Variants in ST18 observed in about 807,000 individuals in gnomAD.
The protein encoded by ST18 is suppression of tumorigenicity 18 protein.
Under a neutral mutation model 110.0 loss-of-function variants are expected in ST18, and 50 were observed. That is an observed-to-expected ratio of 0.45 (90% CI 0.36 to 0.58). ST18 has a LOEUF of 0.58. Among genes scored for constraint, ST18 ranks in the 20% least tolerant of loss-of-function variants. The probability of loss-of-function intolerance (pLI) is 0.00; values close to 1 mark genes in which losing one functional copy is unlikely to be tolerated. For synonymous variants in ST18, 461 were observed against 452.4 expected, an observed-to-expected ratio of 1.02 and a Z score of -0.24; for missense variants, 1,306 against 1,280.1, an observed-to-expected ratio of 1.02 and a Z score of -0.31.
At chr8:52,393,314 C>T (rs548835227) in intron 2 of ST18, among the ~76,000 whole-genome samples, 16 of 152,290 alleles carry the variant, frequency 1.1e-4, no homozygotes, top group South Asian at 2.1e-4. Flanking sequence ...GGCACAGACC[C>T]TTTAGAGTTC....
Position 52,215,879 on chromosome 8 carries a change from C to T in ST18, c.1-1622G>A, listed in dbSNP as rs78469844. 1.6e-4 allele frequency among the ~76,000 whole-genome samples: 24 copies of T among 152,276 alleles called. No individual in the cohort carries two copies. In the East Asian group the frequency reaches 3.5e-3, roughly 22 times the overall value. The stretch of plus-strand genomic sequence containing the variant: ...TGCATACAAAGTGGCTCAACTCTAG[C>T]GAATGCCCCTCCATGTGCTAAATGA... On this transcript the variant is annotated intron_variant, in intron 6 of 25. Transcript: ENST00000689386.
At chr8:52,198,643 T>A (rs2076946332) in intron 8 of ST18, among the ~76,000 whole-genome samples, 1 of 152,228 alleles carries the variant, frequency 6.6e-6, no homozygotes, top group South Asian at 2.1e-4. Context: ...TATATTATTA[T>A]AATTATGTGT....
intron 3 of ST18, among the ~76,000 whole-genome samples, chr8:52,222,755 C>A (rs1275735115): frequency 6.6e-6 from 1 of 152,128 alleles, no homozygotes; most frequent in Non-Finnish European, 1.5e-5. Flanking sequence ...TTTAAAAAAC[C>A]ATTTTTCTTA....
At chr8:52,255,157 A>G (rs1363285751) in intron 2 of ST18, among the ~76,000 whole-genome samples, 2 of 152,130 alleles carry the variant, frequency 1.3e-5, no homozygotes, top group Non-Finnish European at 2.9e-5. Flanking sequence ...ACTAGATTCC[A>G]TGTGAGTGGC....
chr8:52,332,805 T>C (rs1192802997), intron 2 of ST18, among the ~76,000 whole-genome samples: 2 of 152,052 alleles, frequency 1.3e-5, no homozygotes, highest in African/African-American at 4.8e-5. Context: ...GAGCCGAGAT[T>C]GTGCCACTGC....
At chr8:52,243,474 C>T (rs1002814539) in intron 2 of ST18, among the ~76,000 whole-genome samples, 1 of 152,040 alleles carries the variant, frequency 6.6e-6, no homozygotes, top group African/African-American at 2.4e-5. Context: ...CTATTCTGTT[C>T]CCAGAGACCT....
At chr8:52,191,972 C>T in intron 8 of ST18, among the ~76,000 whole-genome samples, 1 of 152,072 alleles carries the variant, frequency 6.6e-6, no homozygotes, top group Non-Finnish European at 1.5e-5. Context: ...CACTGAAGGG[C>T]ATTTACCAGA....
chr8:52,381,978 A>AAAAC (rs1332060882), intron 2 of ST18, among the ~76,000 whole-genome samples: 20 of 151,326 alleles, frequency 1.3e-4, no homozygotes, highest in African/African-American at 4.6e-4. Context: ...AAAAAACAAA[A>AAAAC]AAAAACAAAA....
At chr8:52,196,845 G>T (rs911775236) in intron 8 of ST18, among the ~76,000 whole-genome samples, 2 of 152,144 alleles carry the variant, frequency 1.3e-5, no homozygotes, top group Admixed American at 6.5e-5. Flanking sequence ...ACAGGTCCCA[G>T]GGCCTCCTGG....
chr8:52,125,610 G>A (rs910304784), intron 23 of ST18, among the ~76,000 whole-genome samples: 1 of 151,998 alleles, frequency 6.6e-6, no homozygotes, highest in Non-Finnish European at 1.5e-5. Flanking sequence ...TCCTATCTCA[G>A]CTTCCAGAGT....
chr8:52,319,937 C>T (rs1461555595), intron 2 of ST18, among the ~76,000 whole-genome samples: 1 of 152,170 alleles, frequency 6.6e-6, no homozygotes, highest in Non-Finnish European at 1.5e-5. Context: ...GGAAGCTGGA[C>T]AGCCTTTTCT....
intron 2 of ST18, among the ~76,000 whole-genome samples, chr8:52,377,385 T>C (rs1228084471): frequency 1.3e-5 from 2 of 152,186 alleles, no homozygotes; most frequent in Non-Finnish European, 2.9e-5. Context: ...GTTACTGTTC[T>C]ATAAGTTGAC....
intron 8 of ST18, among the ~76,000 whole-genome samples, chr8:52,207,657 T>A (rs571121827): frequency 3.2e-4 from 49 of 152,298 alleles, no homozygotes; most frequent in African/African-American, 1.1e-3. Context: ...ATTAAAACTT[T>A]CATTACCAAA....
intron 2 of ST18, among the ~76,000 whole-genome samples, chr8:52,327,152 C>A (rs866460963): frequency 8.5e-5 from 13 of 152,204 alleles, no homozygotes; most frequent in African/African-American, 2.9e-4. Flanking sequence ...CTGCAAATAT[C>A]AGAGCAATTA....
At chr8:52,350,250 T>A (rs1402803818) in intron 2 of ST18, among the ~76,000 whole-genome samples, 1 of 152,158 alleles carries the variant, frequency 6.6e-6, no homozygotes, top group Non-Finnish European at 1.5e-5. Flanking sequence ...TTATTAGGTA[T>A]CCCAATCCTT....
At chr8:52,271,099 T>G (rs1001037761) in intron 2 of ST18, among the ~76,000 whole-genome samples, 1 of 152,182 alleles carries the variant, frequency 6.6e-6, no homozygotes, top group South Asian at 2.1e-4. Flanking sequence ...GGGGTTTCAC[T>G]GTGTTAGCCA....
intron 2 of ST18, among the ~76,000 whole-genome samples, chr8:52,322,529 T>A (rs1037946996): frequency 6.6e-6 from 1 of 152,168 alleles, no homozygotes; most frequent in African/African-American, 2.4e-5. Flanking sequence ...GAATAAGTTA[T>A]ACATAATGTG....
chr8:52,278,611 C>T (rs966031683), intron 2 of ST18, among the ~76,000 whole-genome samples: 1 of 152,146 alleles, frequency 6.6e-6, no homozygotes, highest in South Asian at 2.1e-4. Context: ...AAGAAATGCT[C>T]ATTATGAAAA....
At chr8:52,205,747 T>C (rs2079774057) in intron 8 of ST18, among the ~76,000 whole-genome samples, 2 of 152,028 alleles carry the variant, frequency 1.3e-5, no homozygotes, top group South Asian at 4.1e-4. Flanking sequence ...TTCATATTTT[T>C]AGTAGAGAAA....
Sources: gnomAD v4.1 joint callset for allele counts (sites outside exome capture counted in the v4.1 genomes callset) on GRCh38, gnomAD v4.1.1 for gene constraint, MANE v1.5 for transcripts, NCBI Gene and HGNC (gene_info 2026-07-23, HGNC 2026-07-21) for gene names.